Variants in UNC13A observed in about 807,000 individuals in gnomAD.
UNC13A encodes protein unc-13 homolog A.
In UNC13A, 61 loss-of-function variants were observed where a neutral mutation model predicts 219.7. The observed-to-expected ratio is 0.28, with a 90% CI of 0.23 to 0.34. The LOEUF (loss-of-function observed/expected upper bound fraction) is 0.34, where lower values mean the gene tolerates loss of function less well. Among genes scored for constraint, UNC13A ranks in the 10% least tolerant of loss-of-function variants. The pLI, the probability that UNC13A is intolerant of heterozygous loss-of-function variation, is 1.00. For missense variants in UNC13A, 1,476 were observed against 2,270.3 expected, an observed-to-expected ratio of 0.65 and a Z score of 7.11; for synonymous variants, 920 against 884.6, an observed-to-expected ratio of 1.04 and a Z score of -0.71.
chr19:17,685,856 C>T (rs1794708165), intron 1 of UNC13A, among the ~76,000 whole-genome samples: 1 of 152,018 alleles, frequency 6.6e-6, no homozygotes, highest in Non-Finnish European at 1.5e-5. Flanking sequence ...CTCAGCTGAG[C>T]TCAGGCAACA....
rs2079806547 is a variant in UNC13A at position 17,672,390 on chromosome 19, G to A, written c.258C>T (p.Arg86=). Residue 86 remains arginine, a synonymous_variant, in exon 4 of 44, where the codon CGC becomes CGT. Transcript: ENST00000519716. ...GTVWIPLRTI[R]QSNEEGPGEW... Reference sequence around the variant, plus strand: ...ACCCGCCACTCACCTCATTGGACTGGCGGATGGTCCTCAGTGGGATCCACA... The same window carrying A: ...ACCCGCCACTCACCTCATTGGACTGACGGATGGTCCTCAGTGGGATCCACA... 1.9e-6 allele frequency: 3 copies of A among 1,613,452 alleles called. No individual in the cohort carries two copies. The highest frequency in any genetic ancestry group is 1.1e-5 in the South Asian group (1 of 91,040).
chr19:17,663,907 C>T lies in UNC13A; in HGVS notation c.524-340G>A, dbSNP rs142045274. The stretch of plus-strand genomic sequence containing the variant: ...AATTTCCAAGCTCAAGTGATCCTCC[C>T]ACCTCAGCCTCCTGAGTAACTGAGA... On this transcript the variant is annotated intron_variant, in intron 7 of 43. Coordinates refer to ENST00000519716, the MANE Select transcript of UNC13A (RefSeq NM_001080421.3). 1.9e-3 allele frequency among the ~76,000 whole-genome samples: 285 copies of T among 152,150 alleles called. 1 individual carries two copies. In the Middle Eastern group the frequency reaches 0.02, roughly 11 times the overall value.
rs535940043 is a variant in UNC13A at position 17,627,422 on chromosome 19, A to C, written c.3920+87T>G. ...CTCTGAGCCTGCAATCTTCACCTCT[A>C]CATCTGCTGAGCCTCCAGATGCCCC... On this transcript the variant is annotated intron_variant, in intron 33 of 43. Coordinates refer to ENST00000519716, the MANE Select transcript of UNC13A (RefSeq NM_001080421.3). The surrounding 1 kb of genome is among the most constrained non-coding windows in gnomAD (Gnocchi z 4.7). 5.8e-6 allele frequency: 6 copies of C among 1,037,406 alleles called. No homozygotes were observed. Among genetic ancestry groups the C allele is most frequent in the Non-Finnish European group, 5.8e-6 (4 of 691,208 alleles). The allele number at this position is 1,037,406 out of a possible 1,614,324, so 64.3% of individuals were successfully genotyped here.
At chr19:17,617,474 A>G (rs966945654) in intron 41 of UNC13A, among the ~76,000 whole-genome samples, 34 of 152,144 alleles carry the variant, frequency 2.2e-4, no homozygotes, top group African/African-American at 8.0e-4. Context: ...TGGCCCCAGG[A>G]CATCACAGAT....
At position 17,655,884 on chromosome 19, in the gene UNC13A, TCTC is replaced by T; in HGVS notation, c.1279_1281del (p.Glu427del). On this transcript the variant is annotated inframe_deletion and splice_region_variant, in exon 10 of 44. Transcript: ENST00000519716. The stretch of plus-strand genomic sequence containing the variant: ...GGCCCCTTGGCCCCGTCCTGTTACC[TCTC>T]CTCGTCCTTGGGTGGCTCAGCCTCA... The T allele has an allele frequency of 2.0e-6, 3 of 1,516,754 alleles. No individual in the cohort carries two copies. The highest frequency in any genetic ancestry group is 2.6e-6 in the Non-Finnish European group (3 of 1,137,136). 94.0% of individuals were successfully genotyped at this position (1,516,754 alleles called of 1,614,324 possible).
At position 17,639,444 on chromosome 19, in the gene UNC13A, G is replaced by C; in HGVS notation, c.2938C>G (p.Arg980Gly). 6.2e-7 allele frequency: 1 copy of C among 1,612,964 alleles called. No homozygotes were observed. Among genetic ancestry groups the C allele is most frequent in the Non-Finnish European group, 8.5e-7 (1 of 1,179,580 alleles). ...ACTGGATCCTTTCCTACCTTCATCC[G>C]AAAGAAGGTGATGCTGGTGAGAAGG... Reference protein sequence around the residue: ...VDLLTSITFFRMKVQELQSPP... With the variant: ...VDLLTSITFFGMKVQELQSPP... The change falls in exon 24 of 44, where the codon CGG (arginine) becomes GGG (glycine). Residue 980 changes from arginine to glycine, a missense_variant. By Grantham distance (125) the Arg-to-Gly change is moderately radical. Transcript: ENST00000519716.
chr19:17,615,339 G>A (rs560507724), intron 41 of UNC13A, among the ~76,000 whole-genome samples: 3 of 152,092 alleles, frequency 2.0e-5, no homozygotes, highest in Non-Finnish European at 4.4e-5. Context: ...CTGAGATTTC[G>A]CCATTGCACT....
chr19:17,626,096 T>C (rs529990143), intron 34 of UNC13A, among the ~76,000 whole-genome samples: 4 of 152,200 alleles, frequency 2.6e-5, no homozygotes, highest in Admixed American at 1.3e-4. Flanking sequence ...CATCCATTTA[T>C]GCATCAAAAC....
chr19:17,668,611 C>G (rs369668636), intron 5 of UNC13A, among the ~76,000 whole-genome samples: 12 of 152,070 alleles, frequency 7.9e-5, no homozygotes, highest in African/African-American at 2.7e-4. Flanking sequence ...CTCAGCCTCC[C>G]GAGTAGCTGG....
intron 41 of UNC13A, chr19:17,616,385 G>T (rs1451972015): frequency 4.3e-6 from 3 of 691,632 alleles, no homozygotes; most frequent in South Asian, 1.5e-5. Flanking sequence ...CGCGGGCGGC[G>T]GGCGGGAGGC....
At chr19:17,677,992 G>T (rs891200086) in intron 1 of UNC13A, among the ~76,000 whole-genome samples, 1 of 152,112 alleles carries the variant, frequency 6.6e-6, no homozygotes, top group East Asian at 1.9e-4. Flanking sequence ...GTGTACTAGC[G>T]AGTTGAAGGA....
intron 2 of UNC13A, 100 bp downstream of exon 2, chr19:17,675,912 G>C: frequency 7.0e-7 from 1 of 1,434,840 alleles, no homozygotes; most frequent in Non-Finnish European, 9.6e-7. Flanking sequence ...AAGACATAAA[G>C]CCCAACTCTA....
intron 21 of UNC13A, 59 bp downstream of exon 21, chr19:17,641,334 T>C: frequency 6.4e-7 from 1 of 1,568,118 alleles, no homozygotes; most frequent in Non-Finnish European, 8.7e-7. Flanking sequence ...ACCCCAGACC[T>C]GCCAGTGCCC....
In UNC13A at chr19:17,655,262, C is replaced by T. The variant is rs1599384062; in HGVS notation, c.1392+12G>A. On this transcript the variant is annotated intron_variant, in intron 11 of 43. Coordinates refer to ENST00000519716, the MANE Select transcript of UNC13A (RefSeq NM_001080421.3). Reference sequence around the variant, plus strand: ...TAAGTGTGGCAGGGGCATGGCTGGGCGTGTCACTCACCTCCTGCAGCTGCA... The same window carrying T: ...TAAGTGTGGCAGGGGCATGGCTGGGTGTGTCACTCACCTCCTGCAGCTGCA... The T allele has an allele frequency of 2.6e-6, 4 of 1,555,158 alleles. No individual in the cohort carries two copies. Among genetic ancestry groups the T allele is most frequent in the African/African-American group, 1.4e-5 (1 of 73,676 alleles).
In UNC13A at chr19:17,642,968, G is replaced by C; in HGVS notation, c.2357-8C>G. On this transcript the variant is annotated splice_region_variant and splice_polypyrimidine_tract_variant and intron_variant, in intron 19 of 43. Coordinates refer to ENST00000519716, the MANE Select transcript of UNC13A (RefSeq NM_001080421.3). ...ATTTGTCAGTTCGCTTGTCTGCAGG[G>C]CAGAAAAAGAAGACAGTGTCAGAAC... The C allele has an allele frequency of 6.3e-7, 1 of 1,594,408 alleles. No individual in the cohort carries two copies. The highest frequency in any genetic ancestry group is 1.1e-5 in the South Asian group (1 of 88,186).
At chr19:17,628,248 A>G in intron 31 of UNC13A, 1 of 416,848 alleles carries the variant, frequency 2.4e-6, no homozygotes. Flanking sequence ...CAAGAGCCCA[A>G]AGCTTTGCAG....
At chr19:17,679,219 G>T (rs11672764) in intron 1 of UNC13A, among the ~76,000 whole-genome samples, 30,625 of 151,794 alleles carry the variant, frequency 0.2, 3,598 homozygotes, top group Middle Eastern at 0.31. Context: ...GGGCAACATG[G>T]TAAAACCCCA....
chr19:17,683,967 A>G (rs1002744296), intron 1 of UNC13A, among the ~76,000 whole-genome samples: 4 of 150,326 alleles, frequency 2.7e-5, no homozygotes, highest in Admixed American at 6.6e-5. Context: ...GTGGTGGTGC[A>G]TGCCTATACT....
intron 41 of UNC13A, chr19:17,616,348 G>A: frequency 1.5e-6 from 1 of 681,552 alleles, no homozygotes; most frequent in South Asian, 1.6e-5. Context: ...GCCGGGGCCA[G>A]GAGGGGCGCA....
Sources: allele counts gnomAD v4.1 joint callset (sites outside exome capture counted in the v4.1 genomes callset), GRCh38; gene constraint gnomAD v4.1.1; non-coding constraint Gnocchi (gnomAD v3.1); transcripts MANE v1.5; gene names NCBI Gene and HGNC (gene_info 2026-07-23, HGNC 2026-07-21).